Variants in TDRD10 observed in about 807,000 individuals in gnomAD.
The protein encoded by TDRD10 is tudor domain-containing protein 10.
In TDRD10, 40 loss-of-function variants were observed where a neutral mutation model predicts 48.0. That is an observed-to-expected ratio of 0.83 (90% CI 0.65 to 1.09). TDRD10 has a LOEUF of 1.09. Ranked by LOEUF, TDRD10 falls within the 50% of genes least tolerant of loss-of-function variation. The pLI, the probability that TDRD10 is intolerant of heterozygous loss-of-function variation, is 0.00. For synonymous variants in TDRD10, 162 were observed against 170.4 expected, an observed-to-expected ratio of 0.95 and a Z score of 0.38; for missense variants, 378 against 434.7, an observed-to-expected ratio of 0.87 and a Z score of 1.16.
At chr1:154,541,856 G>A (rs1473370038) in intron 6 of TDRD10, 168 bp from the exon 7 acceptor site, 3 of 597,544 alleles carry the variant, frequency 5.0e-6, no homozygotes, top group African/African-American at 3.8e-5. Flanking sequence ...TCAGGATGCC[G>A]TGAGGATGGA....
chr1:154,512,858 G>A (rs890575792), intron 4 of TDRD10, among the ~76,000 whole-genome samples: 6 of 152,190 alleles, frequency 3.9e-5, no homozygotes, highest in Admixed American at 3.9e-4. Context: ...TGAAAAGACA[G>A]AGGAGGTTTT....
chr1:154,520,373 T>C lies in TDRD10; in HGVS notation c.211T>C (p.Cys71Arg). 2 of 1,611,972 alleles carry C rather than the reference T, an allele frequency of 1.2e-6. No homozygotes were observed. Among genetic ancestry groups the C allele is most frequent in the Non-Finnish European group, 1.7e-6 (2 of 1,178,056 alleles). Reference sequence around the variant, plus strand: ...CCACAAAATCCAGAATGGCTGCAAATGGTAATGACTGTTCTTTCTTTGTTT... The same window carrying C: ...CCACAAAATCCAGAATGGCTGCAAACGGTAATGACTGTTCTTTCTTTGTTT... ...DVHKIQNGCKCFAFVDLGSMQ... is the reference protein window; with the variant it reads ...DVHKIQNGCKRFAFVDLGSMQ... The change falls in exon 5 of 13, where the codon TGC becomes CGC. Residue 71 changes from cysteine (C) to arginine (R), a missense_variant and splice_region_variant. Around this residue, in one of 2 missense-constraint regions of TDRD10, gnomAD observed 310 missense variants for 323.6 expected, o/e 0.96. Transcript: ENST00000368482.
intron 6 of TDRD10, among the ~76,000 whole-genome samples, chr1:154,534,974 G>A (rs1694842609): frequency 6.6e-6 from 1 of 152,092 alleles, no homozygotes; most frequent in Admixed American, 6.6e-5. Flanking sequence ...CTACATGAAG[G>A]CACTTTACAG....
At chr1:154,506,948 C>T in intron 2 of TDRD10, 43 bp downstream of exon 2, 1 of 1,614,096 alleles carries the variant, frequency 6.2e-7, no homozygotes, top group Non-Finnish European at 8.5e-7. Context: ...TCGCTCCATC[C>T]CCCAGCCTTC....
chr1:154,545,912 C>T (rs1695532969), intron 11 of TDRD10, among the ~76,000 whole-genome samples: 2 of 148,914 alleles, frequency 1.3e-5, no homozygotes, highest in South Asian at 4.3e-4. Context: ...AGGCACGCAC[C>T]ACCACACCCA....
Position 154,502,811 on chromosome 1 carries a change from C to T in TDRD10, c.-246C>T, listed in dbSNP as rs1464663485. 6.6e-6 allele frequency: 1 copy of T among 152,316 alleles called. No individual in the cohort carries two copies. Among genetic ancestry groups the T allele is most frequent in the Non-Finnish European group, 1.5e-5 (1 of 68,120 alleles). The allele number at this position is 152,316 out of a possible 1,614,324, so 9.4% of individuals were successfully genotyped here. Reference sequence around the variant, plus strand: ...GAGGTTGCGGCCCGAGGTCCGGGCGCAGGGACAACGGTCGCCAGCTCCTGC... The same window carrying T: ...GAGGTTGCGGCCCGAGGTCCGGGCGTAGGGACAACGGTCGCCAGCTCCTGC... On this transcript the variant is annotated 5_prime_UTR_variant, in exon 1 of 13. Transcript: ENST00000368482.
At position 154,521,475 on chromosome 1, in the gene TDRD10, C is replaced by G; in HGVS notation, c.365C>G (p.Pro122Arg). ...TPDMIQQPRA[P>R]LVLEKASGEG... is the part of the protein sequence containing the mutation. ...GATATGATCCAGCAGCCTCGGGCCCCGCTGGTATGTCTTCTGGCCTTTCTG... is the reference window on the plus strand; with the variant it reads ...GATATGATCCAGCAGCCTCGGGCCCGGCTGGTATGTCTTCTGGCCTTTCTG... The change falls in exon 6 of 13, where the codon CCG becomes CGG. Residue 122 changes from proline (P) to arginine (R), a missense_variant. Coordinates refer to ENST00000368482, the MANE Select transcript of TDRD10 (RefSeq NM_182499.4). The G allele has an allele frequency of 3.7e-6, 6 of 1,613,650 alleles. No homozygotes were observed. Among genetic ancestry groups the G allele is most frequent in the Non-Finnish European group, 5.1e-6 (6 of 1,179,980 alleles).
chr1:154,517,571 C>T (rs189382970), intron 4 of TDRD10, among the ~76,000 whole-genome samples: 3 of 152,068 alleles, frequency 2.0e-5, no homozygotes, highest in African/African-American at 7.2e-5. Context: ...TACAGGCATC[C>T]GCCACCACGC....
chr1:154,537,377 G>A (rs112460618), intron 6 of TDRD10, among the ~76,000 whole-genome samples: 1 of 152,234 alleles, frequency 6.6e-6, no homozygotes, highest in African/African-American at 2.4e-5. Context: ...AGGAGCCCAC[G>A]CAGAGGTCTT....
Position 154,520,386 on chromosome 1 carries a change from T to A in TDRD10, c.212+12T>A, listed in dbSNP as rs1693994298. On this transcript the variant is annotated intron_variant, in intron 5 of 12. Transcript: ENST00000368482. ...AATGGCTGCAAATGGTAATGACTGTTCTTTCTTTGTTTTCTTTGGGAAGCA... is the reference window on the plus strand; with the variant it reads ...AATGGCTGCAAATGGTAATGACTGTACTTTCTTTGTTTTCTTTGGGAAGCA... 1 of 1,609,116 alleles carries A rather than the reference T, an allele frequency of 6.2e-7. No homozygotes were observed. Among genetic ancestry groups the A allele is most frequent in the Admixed American group, 1.7e-5 (1 of 59,990 alleles).
intron 4 of TDRD10, among the ~76,000 whole-genome samples, chr1:154,515,547 C>T (rs965514229): frequency 6.6e-6 from 1 of 152,220 alleles, no homozygotes; most frequent in Admixed American, 6.5e-5. Context: ...AGCCCAGAAC[C>T]TGCCATAGGG....
chr1:154,532,391 C>A (rs1570955332), intron 6 of TDRD10, among the ~76,000 whole-genome samples: 2 of 152,320 alleles, frequency 1.3e-5, no homozygotes, highest in African/African-American at 4.8e-5. Flanking sequence ...AAAGCCCACG[C>A]CCACCCAGAA....
intron 4 of TDRD10, among the ~76,000 whole-genome samples, chr1:154,513,226 G>T (rs1693578224): frequency 6.6e-6 from 1 of 152,172 alleles, no homozygotes; most frequent in Non-Finnish European, 1.5e-5. Flanking sequence ...GCATTAATTT[G>T]TAGTGGTGTC....
intron 4 of TDRD10, among the ~76,000 whole-genome samples, chr1:154,517,401 G>A (rs1184809938): frequency 1.3e-5 from 2 of 150,270 alleles, no homozygotes; most frequent in Non-Finnish European, 3.0e-5. Flanking sequence ...TGTACCTTAT[G>A]AAATAGCTGA....
At chr1:154,507,808 CT>C (rs1693233163) in intron 3 of TDRD10, among the ~76,000 whole-genome samples, 1 of 152,202 alleles carries the variant, frequency 6.6e-6, no homozygotes, top group Non-Finnish European at 1.5e-5. Flanking sequence ...CTAGTCCTGG[CT>C]ATGAGCAATT....
intron 6 of TDRD10, among the ~76,000 whole-genome samples, chr1:154,526,417 ATTTTTTTTTTT>A (rs58821375): frequency 7.5e-6 from 1 of 133,156 alleles, no homozygotes. Flanking sequence ...ACTTTCACAG[ATTTTTTTTTTT>A]TTTTTTTTTG....
At position 154,502,713 on chromosome 1, in the gene TDRD10, G is replaced by C. The variant is rs1444476887; in HGVS notation, c.-344G>C. On this transcript the variant is annotated 5_prime_UTR_variant, in exon 1 of 13. Coordinates refer to ENST00000368482, the MANE Select transcript of TDRD10 (RefSeq NM_182499.4). ...TGTCACGTGCGCCGCTCACCCCCGG[G>C]AAGGAAGCCCCTCGCCCACCCACTC... The C allele has an allele frequency of 6.6e-6, 1 of 152,296 alleles. No homozygotes were observed. Among genetic ancestry groups the C allele is most frequent in the Non-Finnish European group, 1.5e-5 (1 of 68,100 alleles). 9.4% of individuals were successfully genotyped at this position (152,296 alleles called of 1,614,324 possible). A position where few individuals can be genotyped will look rare whatever the true frequency, so the allele number is the denominator to read the frequency against.
chr1:154,529,356 A>C (rs1319673113), intron 6 of TDRD10, among the ~76,000 whole-genome samples: 6 of 152,070 alleles, frequency 3.9e-5, no homozygotes, highest in Admixed American at 3.9e-4. Context: ...TTAGTGAGCC[A>C]CCATGCCTGG....
At chr1:154,541,220 A>G (rs2149350647) in intron 6 of TDRD10, among the ~76,000 whole-genome samples, 1 of 123,474 alleles carries the variant, frequency 8.1e-6, no homozygotes, top group African/African-American at 3.1e-5. Context: ...CTGCAGGGTG[A>G]GGGCTTGAGC....
Sources: gnomAD v4.1 joint callset for allele counts (sites outside exome capture counted in the v4.1 genomes callset) on GRCh38, gnomAD v4.1.1 for gene constraint, gnomAD v4.1.1 regional missense constraint, MANE v1.5 for transcripts, NCBI Gene and HGNC (gene_info 2026-07-23, HGNC 2026-07-21) for gene names.